Variants in AOPEP observed in about 807,000 individuals in gnomAD.
The protein encoded by AOPEP is aminopeptidase O.
In AOPEP, 77 loss-of-function variants were observed where a neutral mutation model predicts 98.1. The observed-to-expected ratio is 0.78, with a 90% CI of 0.65 to 0.95. AOPEP has a LOEUF of 0.95. Ranked by LOEUF, AOPEP falls within the 40% of genes least tolerant of loss-of-function variation. The probability of loss-of-function intolerance (pLI) is 0.00; values close to 1 mark genes in which losing one functional copy is unlikely to be tolerated. For missense variants in AOPEP, 1,024 were observed against 1,024.7 expected, an observed-to-expected ratio of 1.00 and a Z score of 0.01; for synonymous variants, 346 against 365.3, an observed-to-expected ratio of 0.95 and a Z score of 0.60.
chr9:94,820,394 C>T (rs1852801965), intron 5 of AOPEP, among the ~76,000 whole-genome samples: 1 of 152,190 alleles, frequency 6.6e-6, no homozygotes, highest in Non-Finnish European at 1.5e-5. Flanking sequence ...TACTCTCTCT[C>T]CCTTTTCTTA....
At chr9:95,032,534 G>A (rs961339428) in intron 13 of AOPEP, among the ~76,000 whole-genome samples, 1 of 152,226 alleles carries the variant, frequency 6.6e-6, no homozygotes, top group African/African-American at 2.4e-5. Context: ...GAAAGGTGGC[G>A]ATGTGCACTA....
intron 3 of AOPEP, among the ~76,000 whole-genome samples, chr9:94,783,350 G>A (rs945721666): frequency 1.3e-5 from 2 of 152,248 alleles, no homozygotes; most frequent in African/African-American, 4.8e-5. Flanking sequence ...GGTAGCATCA[G>A]TGCTTGCAAA....
At chr9:94,922,691 G>A (rs1230652239) in intron 5 of AOPEP, among the ~76,000 whole-genome samples, 1 of 151,634 alleles carries the variant, frequency 6.6e-6, no homozygotes, top group Non-Finnish European at 1.5e-5. Flanking sequence ...CTGTTGCATC[G>A]CACCCCTTTA....
At chr9:94,914,523 CGT>C (rs67826706) in intron 5 of AOPEP, among the ~76,000 whole-genome samples, 4,855 of 143,520 alleles carry the variant, frequency 0.034, 128 homozygotes, top group Admixed American at 0.094. Context: ...TGGCATTAGA[CGT>C]GTGTGTGTGT....
chr9:94,751,209 G>T (rs1167667737), intron 1 of AOPEP, among the ~76,000 whole-genome samples: 1 of 152,078 alleles, frequency 6.6e-6, no homozygotes, highest in Non-Finnish European at 1.5e-5. Flanking sequence ...TACAGTTCTT[G>T]TCAGCTTTTT....
intron 11 of AOPEP, among the ~76,000 whole-genome samples, 166 bp downstream of exon 11, chr9:94,979,593 C>G (rs936176201): frequency 2.0e-5 from 3 of 152,212 alleles, no homozygotes; most frequent in Admixed American, 2.0e-4. Context: ...GCATTTCCCC[C>G]CCTCATTGTG....
At chr9:94,843,079 C>G (rs2042459859) in intron 5 of AOPEP, among the ~76,000 whole-genome samples, 1 of 152,156 alleles carries the variant, frequency 6.6e-6, no homozygotes, top group Non-Finnish European at 1.5e-5. Flanking sequence ...CAAATATTTT[C>G]TTCTGTACTA....
intron 11 of AOPEP, among the ~76,000 whole-genome samples, chr9:95,002,491 G>A (rs901382864): frequency 1.3e-5 from 2 of 152,174 alleles, no homozygotes; most frequent in African/African-American, 4.8e-5. Context: ...GAATAATAAT[G>A]TATCAATATT....
intron 10 of AOPEP, among the ~76,000 whole-genome samples, chr9:94,975,653 C>T (rs943106711): frequency 2.6e-5 from 4 of 152,210 alleles, no homozygotes; most frequent in Admixed American, 6.5e-5. Context: ...GTCCCCTGCA[C>T]GCCACATCCA....
chr9:95,122,528 CTGTT>C, the AOPEP span, among the ~76,000 whole-genome samples: 1 of 152,110 alleles, frequency 6.6e-6, no homozygotes, highest in Non-Finnish European at 1.5e-5. Context: ...TGGTGAATTC[CTGTT>C]TGTTTTTGGA....
the AOPEP span, chr9:95,101,742 G>A: frequency 9.3e-5 from 150 of 1,613,944 alleles, no homozygotes; most frequent in South Asian, 1.6e-4. Context: ...AGGAGCTCTC[G>A]GGCCAGTTTT....
chr9:94,779,786 T>C (rs1288837070), intron 3 of AOPEP, among the ~76,000 whole-genome samples: 1 of 152,190 alleles, frequency 6.6e-6, no homozygotes, highest in African/African-American at 2.4e-5. Flanking sequence ...CTTTTGAGAC[T>C]GAACACCTGT....
intron 13 of AOPEP, among the ~76,000 whole-genome samples, chr9:95,012,050 A>T (rs962499048): frequency 6.6e-6 from 1 of 152,252 alleles, no homozygotes; most frequent in Non-Finnish European, 1.5e-5. Flanking sequence ...GTATCAGATC[A>T]TGTAAATGTA....
chr9:95,141,740 C>A, the AOPEP span, among the ~76,000 whole-genome samples: 1 of 152,062 alleles, frequency 6.6e-6, no homozygotes, highest in East Asian at 1.9e-4. Flanking sequence ...ACTACTAATA[C>A]ATAAGTTAGT....
intron 13 of AOPEP, chr9:95,048,779 A>G (rs562417129): frequency 6.6e-6 from 1 of 152,222 alleles, no homozygotes; most frequent in Admixed American, 6.5e-5. Flanking sequence ...ATTCAAGGGC[A>G]TAGGCGTCGG....
the AOPEP span, among the ~76,000 whole-genome samples, chr9:95,131,674 A>G: frequency 3.9e-5 from 6 of 152,220 alleles, no homozygotes; most frequent in Non-Finnish European, 8.8e-5. Context: ...GCACCACATT[A>G]AAGAGCTCAA....
chr9:94,998,422 C>G (rs1468138232), intron 11 of AOPEP, among the ~76,000 whole-genome samples: 1 of 152,134 alleles, frequency 6.6e-6, no homozygotes, highest in Non-Finnish European at 1.5e-5. Flanking sequence ...CTTCTTCTCT[C>G]TAGCAGTCTA....
intron 7 of AOPEP, chr9:94,932,763 C>T (rs1453643872): frequency 1.5e-5 from 15 of 981,444 alleles, no homozygotes; most frequent in East Asian, 1.1e-4. Flanking sequence ...GGATTATAGG[C>T]GTGAACCACT....
chr9:94,851,526 G>A (rs1475031409), intron 5 of AOPEP, among the ~76,000 whole-genome samples: 1 of 151,674 alleles, frequency 6.6e-6, no homozygotes, highest in Non-Finnish European at 1.5e-5. Flanking sequence ...TCCAGACCTC[G>A]TTCAAGTATA....
Sources: gnomAD v4.1 joint callset for allele counts (sites outside exome capture counted in the v4.1 genomes callset) on GRCh38, gnomAD v4.1.1 for gene constraint, MANE v1.5 for transcripts, NCBI Gene and HGNC (gene_info 2026-07-23, HGNC 2026-07-21) for gene names.